Variants in CFAP299 observed in about 807,000 individuals in gnomAD.
CFAP299 encodes cilia- and flagella-associated protein 299.
CFAP299 carries 21 observed loss-of-function variants against 27.0 expected under a neutral mutation model. That is an observed-to-expected ratio of 0.78 (90% CI 0.55 to 1.12). The LOEUF (loss-of-function observed/expected upper bound fraction) is 1.12. Among genes scored for constraint, CFAP299 ranks in the 50% most tolerant of loss-of-function variants. CFAP299 has a pLI of 0.00. For synonymous variants in CFAP299, 104 were observed against 98.1 expected (o/e 1.06, Z -0.36); for missense variants, 310 against 276.6 (o/e 1.12, Z -0.86).
chr4:80,715,871 G>A (rs965695784), intron 3 of CFAP299, among the ~76,000 whole-genome samples: 1 of 151,986 alleles, frequency 6.6e-6, no homozygotes, highest in African/African-American at 2.4e-5. Flanking sequence ...GTAGAGCAGT[G>A]TTCAAAAGTC....
Position 80,386,523 on chromosome 4 carries a change from G to GTA in CFAP299, c.242+23639_242+23640insTA. ...CTCGCGGGCGGTGGTGGGGGGGGGG[G>GTA]GTGCCGCCGGGTTTGCAGGTCCTTT... On this transcript the variant is annotated intron_variant, in intron 2 of 5. Transcript: ENST00000358105. The GTA allele has an allele frequency of 6.4e-6, 10 of 1,574,102 alleles. No individual in the cohort carries two copies. The African/African-American group carries it at 1.1e-4, about 17-fold the overall frequency.
chr4:80,873,865 T>C (rs1355874816), intron 4 of CFAP299, among the ~76,000 whole-genome samples: 1 of 152,210 alleles, frequency 6.6e-6, no homozygotes, highest in East Asian at 1.9e-4. Flanking sequence ...TGAAAAACTT[T>C]TCTTTGTGTT....
At chr4:80,728,127 C>T (rs1723264945) in intron 3 of CFAP299, among the ~76,000 whole-genome samples, 1 of 144,046 alleles carries the variant, frequency 6.9e-6, no homozygotes, top group Non-Finnish European at 1.5e-5. Context: ...AAGAAATGAT[C>T]CTCAGTATTT....
chr4:80,590,520 T>A (rs533610460), intron 3 of CFAP299, among the ~76,000 whole-genome samples: 1 of 151,928 alleles, frequency 6.6e-6, no homozygotes, highest in Non-Finnish European at 1.5e-5. Flanking sequence ...TGCCTGTAAC[T>A]CAGCTACTTG....
At chr4:80,506,019 TATATAA>T (rs1158514580) in intron 2 of CFAP299, among the ~76,000 whole-genome samples, 36 of 150,800 alleles carry the variant, frequency 2.4e-4, no homozygotes, top group African/African-American at 8.3e-4. Flanking sequence ...TATAAATATA[TATATAA>T]AAATAATAAC....
chr4:80,620,011 A>G (rs1287151749), intron 3 of CFAP299, among the ~76,000 whole-genome samples: 4 of 152,124 alleles, frequency 2.6e-5, no homozygotes, highest in Non-Finnish European at 5.9e-5. Context: ...AGAGACTAAA[A>G]TGATGTAGAA....
At chr4:80,663,933 C>A (rs1741002239) in intron 3 of CFAP299, among the ~76,000 whole-genome samples, 1 of 152,040 alleles carries the variant, frequency 6.6e-6, no homozygotes, top group South Asian at 2.1e-4. Context: ...ATAATGTCTT[C>A]TTTTGAGAAG....
At chr4:80,710,286 G>A (rs329405) in intron 3 of CFAP299, among the ~76,000 whole-genome samples, 2 of 151,878 alleles carry the variant, frequency 1.3e-5, no homozygotes, top group African/African-American at 4.8e-5. Flanking sequence ...GCAACATGCA[G>A]AAACCAGAAA....
At chr4:80,329,208 C>CACAT in the CFAP299 span, among the ~76,000 whole-genome samples, 50 of 136,046 alleles carry the variant, frequency 3.7e-4, no homozygotes, top group African/African-American at 1.3e-3. Context: ...ACACTGTATA[C>CACAT]ATATATATAT....
Position 80,633,123 on chromosome 4 carries a change from T to C in CFAP299, c.333+49940T>C, listed in dbSNP as rs375395886. ...TTACAAGTGAGAAACATATACATCA[T>C]ATAAATTAGTACCCTCCTCTTTTAT... On this transcript the variant is annotated intron_variant, in intron 3 of 5. Transcript: ENST00000358105. 2.6e-5 allele frequency among the ~76,000 whole-genome samples: 4 copies of C among 152,300 alleles called. No individual in the cohort carries two copies. The East Asian group carries it at 5.8e-4, about 22-fold the overall frequency.
intron 3 of CFAP299, among the ~76,000 whole-genome samples, chr4:80,598,428 A>C (rs1337470682): frequency 6.6e-6 from 1 of 152,210 alleles, no homozygotes; most frequent in African/African-American, 2.4e-5. Flanking sequence ...AAAATGTGAG[A>C]TATTTAAATA....
rs900154345 is a variant in CFAP299, at chr4:80,710,436, A to C, written c.333+127253A>C. On this transcript the variant is annotated intron_variant, in intron 3 of 5. Coordinates refer to ENST00000358105, the MANE Select transcript of CFAP299 (RefSeq NM_152770.3). Reference sequence around the variant, plus strand: ...TCTGCCACTAAATGTTTGGGTGATTAGGACAAGTAACAAGTCTCTCATAAC... The same window carrying C: ...TCTGCCACTAAATGTTTGGGTGATTCGGACAAGTAACAAGTCTCTCATAAC... Among the ~76,000 whole-genome samples, 6 of 151,530 alleles carry C rather than the reference A, an allele frequency of 4.0e-5. No homozygotes were observed. In the South Asian group the frequency reaches 1.3e-3, roughly 32 times the overall value.
At position 80,902,963 on chromosome 4, in the gene CFAP299, C is replaced by T. The variant is rs1291375764; in HGVS notation, c.476+32828C>T. ...GCTGCAAAGAAATTGAGACTATTGA[C>T]ATATTTTAGTATAATTTCTTATAAA... On this transcript the variant is annotated intron_variant, in intron 4 of 5. Coordinates refer to ENST00000358105, the MANE Select transcript of CFAP299 (RefSeq NM_152770.3). Among the ~76,000 whole-genome samples the T allele has an allele frequency of 4.3e-4, 65 of 151,806 alleles. 1 individual carries two copies. Among genetic ancestry groups the T allele is most frequent in the Admixed American group, 4.2e-3 (64 of 15,220 alleles).
Position 80,371,740 on chromosome 4 carries a change from T to C in CFAP299, c.242+8856T>C, listed in dbSNP as rs79400534. Among the ~76,000 whole-genome samples the C allele has an allele frequency of 4.0e-3, 613 of 152,308 alleles. 3 individuals are homozygous for C. The highest frequency in any genetic ancestry group is 0.012 in the African/African-American group (512 of 41,560). ...TCTAGTTTCTAATAAGTTGCCTCTT[T>C]CAATCTGAGACCACTTCAGCCTACC... On this transcript the variant is annotated intron_variant, in intron 2 of 5. Coordinates refer to ENST00000358105, the MANE Select transcript of CFAP299 (RefSeq NM_152770.3).
At chr4:80,554,400 GTA>G (rs1448066813) in intron 2 of CFAP299, among the ~76,000 whole-genome samples, 2 of 151,582 alleles carry the variant, frequency 1.3e-5, no homozygotes, top group African/African-American at 2.4e-5. Context: ...TGGCCCTGTA[GTA>G]TAGTTTGAAG....
At chr4:80,561,638 C>A (rs1268173808) in intron 2 of CFAP299, among the ~76,000 whole-genome samples, 2 of 151,840 alleles carry the variant, frequency 1.3e-5, no homozygotes, top group East Asian at 3.9e-4. Context: ...AGCAGAAATT[C>A]TGGAGGTGAA....
chr4:80,701,061 G>T (rs1327959082), intron 3 of CFAP299, among the ~76,000 whole-genome samples: 2 of 152,030 alleles, frequency 1.3e-5, no homozygotes, highest in Non-Finnish European at 2.9e-5. Flanking sequence ...ACCAAGTACT[G>T]TCTGGTACCC....
chr4:80,345,797 G>A (rs962534477), intron 1 of CFAP299, among the ~76,000 whole-genome samples: 7 of 152,130 alleles, frequency 4.6e-5, no homozygotes, highest in African/African-American at 1.7e-4. Context: ...CCCAGTAATG[G>A]GATCACTGGG....
At chr4:80,330,952 T>G (rs1478882192), upstream of CFAP299, among the ~76,000 whole-genome samples, 1 of 152,216 alleles carries the variant, frequency 6.6e-6, no homozygotes, top group Non-Finnish European at 1.5e-5. Context: ...TTTGCCTTTA[T>G]GTTCATAGAT....
Sources: allele counts gnomAD v4.1 joint callset (sites outside exome capture counted in the v4.1 genomes callset), GRCh38; gene constraint gnomAD v4.1.1; transcripts MANE v1.5; gene names NCBI Gene and HGNC (gene_info 2026-07-23, HGNC 2026-07-21).